The following ZNF804A variants were observed in gnomAD, a reference collection of about 807,000 sequenced individuals.
The protein encoded by ZNF804A is zinc finger protein 804A.
A neutral mutation model predicts 16.5 loss-of-function variants in ZNF804A; 2 were observed. That is an observed-to-expected ratio of 0.12 (90% CI 0.05 to 0.38). The LOEUF (loss-of-function observed/expected upper bound fraction) is 0.38. Ranked by LOEUF, ZNF804A falls within the 10% of genes least tolerant of loss-of-function variation. The probability of loss-of-function intolerance (pLI) is 0.99; values close to 1 mark genes in which losing one functional copy is unlikely to be tolerated. For synonymous variants in ZNF804A, 534 were observed against 489.6 expected (o/e 1.09, Z -1.20); for missense variants, 1,473 against 1,390.7 (o/e 1.06, Z -0.94).
intron 2 of ZNF804A, among the ~76,000 whole-genome samples, chr2:184,904,721 G>C (rs555986462): frequency 6.6e-6 from 1 of 152,032 alleles, no homozygotes; most frequent in South Asian, 2.1e-4. Flanking sequence ...TGCTACTCCT[G>C]TTATATAATC....
chr2:184,866,475 A>T lies in ZNF804A; in HGVS notation c.218A>T (p.Asp73Val). 6.2e-7 allele frequency: 1 copy of T among 1,612,140 alleles called. No individual in the cohort carries two copies. The highest frequency in any genetic ancestry group is 8.5e-7 in the Non-Finnish European group (1 of 1,179,142). The change falls in exon 2 of 4, where the codon GAC (aspartate) becomes GTC (valine). Residue 73 changes from aspartate (D) to valine (V), a missense_variant. Physicochemically the swap from Asp to Val is radical, Grantham distance 152 (BLOSUM62 -3). Coordinates refer to ENST00000302277, the MANE Select transcript of ZNF804A (RefSeq NM_194250.2). ...CAGTACTATAAGCACCAGGAGTTTG[A>T]CAATCACATTAATTCATATGACCAT... ...DKQYYKHQEF[D>V]NHINSYDHAH...
In ZNF804A at chr2:184,788,789, T is replaced by G. The variant is rs148607139; in HGVS notation, c.112-77580T>G. ...ATGTAATCAGTGAACAGAGATAATT[T>G]CACATCCTATTTTCCAATTTGGATG... On this transcript the variant is annotated intron_variant, in intron 1 of 3. Transcript: ENST00000302277. 3.9e-4 allele frequency among the ~76,000 whole-genome samples: 59 copies of G among 152,184 alleles called. No homozygotes were observed. In the East Asian group the frequency reaches 0.011, roughly 29 times the overall value.
intron 1 of ZNF804A, among the ~76,000 whole-genome samples, chr2:184,678,390 T>C (rs1272688396): frequency 1.3e-5 from 2 of 152,158 alleles, no homozygotes; most frequent in Non-Finnish European, 2.9e-5. Flanking sequence ...TTCTGTATTA[T>C]CATGCTTATT....
intron 1 of ZNF804A, among the ~76,000 whole-genome samples, chr2:184,812,309 G>T (rs1694913823): frequency 6.6e-6 from 1 of 152,142 alleles, no homozygotes; most frequent in Non-Finnish European, 1.5e-5. Flanking sequence ...TCTGGTCAGA[G>T]TCCCAGAGGG....
intron 1 of ZNF804A, among the ~76,000 whole-genome samples, chr2:184,830,392 G>A (rs1323905093): frequency 6.6e-6 from 1 of 152,014 alleles, no homozygotes; most frequent in Non-Finnish European, 1.5e-5. Context: ...TGATCTGCTT[G>A]GTTAACTCAC....
intron 2 of ZNF804A, among the ~76,000 whole-genome samples, chr2:184,914,327 G>A (rs1319451867): frequency 6.6e-6 from 1 of 152,138 alleles, no homozygotes; most frequent in Non-Finnish European, 1.5e-5. Flanking sequence ...GATAATGTGG[G>A]TGGATGGCTT....
intron 1 of ZNF804A, among the ~76,000 whole-genome samples, chr2:184,736,812 A>G (rs1693621582): frequency 6.6e-6 from 1 of 151,370 alleles, no homozygotes; most frequent in Non-Finnish European, 1.5e-5. Flanking sequence ...TTTATAAATA[A>G]TAAGTTTTTT....
chr2:184,842,286 G>A (rs997913363), intron 1 of ZNF804A, among the ~76,000 whole-genome samples: 3 of 152,130 alleles, frequency 2.0e-5, no homozygotes, highest in Admixed American at 6.6e-5. Flanking sequence ...TGCTGGCGCT[G>A]ATGAGAGGGA....
At chr2:184,703,026 G>A (rs1320746852) in intron 1 of ZNF804A, among the ~76,000 whole-genome samples, 1 of 151,962 alleles carries the variant, frequency 6.6e-6, no homozygotes, top group Non-Finnish European at 1.5e-5. Context: ...TTTCTGTCTG[G>A]CTTCTTTTGT....
chr2:184,873,909 T>C (rs1369977585), intron 2 of ZNF804A, among the ~76,000 whole-genome samples: 2 of 152,114 alleles, frequency 1.3e-5, no homozygotes, highest in African/African-American at 4.8e-5. Flanking sequence ...AGGAAAATAA[T>C]CTTGTAAATT....
At chr2:184,651,514 T>G (rs1396312725) in intron 1 of ZNF804A, among the ~76,000 whole-genome samples, 1 of 151,980 alleles carries the variant, frequency 6.6e-6, no homozygotes, top group Non-Finnish European at 1.5e-5. Context: ...ACCTACACAA[T>G]GGGAGAAAAT....
intron 2 of ZNF804A, among the ~76,000 whole-genome samples, chr2:184,924,334 T>A (rs1021758278): frequency 4.0e-4 from 61 of 151,858 alleles, no homozygotes; most frequent in African/African-American, 1.4e-3. Context: ...TCTTCTGGAT[T>A]TTTCAATATA....
chr2:184,933,443 G>A (rs778147813), intron 2 of ZNF804A, among the ~76,000 whole-genome samples, 160 bp from the exon 3 acceptor site: 1 of 152,112 alleles, frequency 6.6e-6, no homozygotes, highest in Admixed American at 6.6e-5. Flanking sequence ...GCCAAAATGC[G>A]AGAAAATATT....
chr2:184,889,996 G>T (rs1684955405), intron 2 of ZNF804A, among the ~76,000 whole-genome samples: 1 of 151,956 alleles, frequency 6.6e-6, no homozygotes, highest in South Asian at 2.1e-4. Context: ...CTTAGTCCAG[G>T]ATAACTGCTT....
chr2:184,722,105 A>ATGGGTGCGCGTG (rs1443952594), intron 1 of ZNF804A, among the ~76,000 whole-genome samples: 2 of 151,826 alleles, frequency 1.3e-5, no homozygotes, highest in African/African-American at 4.8e-5. Flanking sequence ...GCGCGTGTGT[A>ATGGGTGCGCGTG]TGGGTTGGGG....
intron 1 of ZNF804A, among the ~76,000 whole-genome samples, chr2:184,815,663 T>A (rs1217788852): frequency 6.6e-6 from 1 of 152,008 alleles, no homozygotes; most frequent in Non-Finnish European, 1.5e-5. Flanking sequence ...TTAAATTTAC[T>A]AATGTACGGA....
At chr2:184,814,308 G>A (rs1694946071) in intron 1 of ZNF804A, among the ~76,000 whole-genome samples, 1 of 151,990 alleles carries the variant, frequency 6.6e-6, no homozygotes, top group Non-Finnish European at 1.5e-5. Flanking sequence ...TCTCTAGCCT[G>A]AGAATTTCAT....
intron 1 of ZNF804A, among the ~76,000 whole-genome samples, chr2:184,643,964 T>A (rs1691835352): frequency 6.6e-6 from 1 of 151,694 alleles, no homozygotes; most frequent in African/African-American, 2.4e-5. Context: ...TTAAAAAGAA[T>A]AACCCATGCA....
chr2:184,727,146 T>A (rs1693426814), intron 1 of ZNF804A, among the ~76,000 whole-genome samples: 1 of 151,600 alleles, frequency 6.6e-6, no homozygotes, highest in Non-Finnish European at 1.5e-5. Context: ...TAGGGTCTTA[T>A]TAAAAATGCC....
Sources: allele counts gnomAD v4.1 joint callset (sites outside exome capture counted in the v4.1 genomes callset), GRCh38; gene constraint gnomAD v4.1.1; transcripts MANE v1.5; gene names NCBI Gene and HGNC (gene_info 2026-07-23, HGNC 2026-07-21).